The following PCSK1 variants were observed in gnomAD, a reference collection of about 807,000 sequenced individuals.
The protein encoded by PCSK1 is neuroendocrine convertase 1.
A neutral mutation model predicts 90.6 loss-of-function variants in PCSK1; 56 were observed. That is an observed-to-expected ratio of 0.62 (90% confidence interval 0.50 to 0.77). The LOEUF is 0.77. Among genes scored for constraint, PCSK1 ranks in the 30% least tolerant of loss-of-function variants. The pLI, the probability that PCSK1 is intolerant of heterozygous loss-of-function variation, is 0.00. For synonymous variants in PCSK1, 348 were observed against 342.4 expected (o/e 1.02, Z -0.18); for missense variants, 801 against 932.6 (o/e 0.86, Z 1.84).
intron 1 of PCSK1, among the ~76,000 whole-genome samples, chr5:96,430,272 T>C (rs1761451012): frequency 6.6e-6 from 1 of 152,240 alleles, no homozygotes; most frequent in Non-Finnish European, 1.5e-5. Flanking sequence ...TACTCAGTAC[T>C]AAATTTGAGG....
chr5:96,419,176 A>G (rs80298262), intron 5 of PCSK1, among the ~76,000 whole-genome samples: 2 of 151,816 alleles, frequency 1.3e-5, no homozygotes, highest in Non-Finnish European at 2.9e-5. Flanking sequence ...TAGTATTTAA[A>G]TATCTTGTGG....
At chr5:96,402,351 G>A (rs1009489472) in intron 9 of PCSK1, among the ~76,000 whole-genome samples, 14 of 152,198 alleles carry the variant, frequency 9.2e-5, no homozygotes, top group East Asian at 1.9e-4. Context: ...CATGAAGGCC[G>A]CAGGCCCCCT....
intron 1 of PCSK1, among the ~76,000 whole-genome samples, chr5:96,430,304 C>G (rs1761451829): frequency 6.6e-6 from 1 of 152,134 alleles, no homozygotes; most frequent in African/African-American, 2.4e-5. Flanking sequence ...TCTAGGTAAC[C>G]CTGCATTTTT....
intron 9 of PCSK1, among the ~76,000 whole-genome samples, chr5:96,401,945 G>C (rs575598376): frequency 2.0e-5 from 3 of 152,288 alleles, no homozygotes; most frequent in African/African-American, 7.2e-5. Flanking sequence ...CTAGTCATCA[G>C]TCAGATTCTC....
chr5:96,412,211 A>C, intron 7 of PCSK1, 107 bp downstream of exon 7: 1 of 1,006,606 alleles, frequency 9.9e-7, no homozygotes, highest in East Asian at 2.4e-5. Flanking sequence ...GGACTTTGTT[A>C]AGAAATCCAC....
chr5:96,417,941 T>A (rs947875269), intron 5 of PCSK1, among the ~76,000 whole-genome samples: 1 of 152,226 alleles, frequency 6.6e-6, no homozygotes, highest in Non-Finnish European at 1.5e-5. Context: ...TTTCCATGTA[T>A]ACAGGATGGG....
chr5:96,426,621 T>C (rs1409697441), intron 2 of PCSK1, among the ~76,000 whole-genome samples: 1 of 152,214 alleles, frequency 6.6e-6, no homozygotes. Flanking sequence ...ACTATTATAC[T>C]TGAAGCCCTG....
chr5:96,404,012 T>C (rs1760473327), intron 9 of PCSK1, among the ~76,000 whole-genome samples: 1 of 152,226 alleles, frequency 6.6e-6, no homozygotes, highest in Non-Finnish European at 1.5e-5. Context: ...CTGATTCTTT[T>C]GATCTCTCCT....
In PCSK1 at chr5:96,433,058, T is replaced by TATGAG; in HGVS notation, c.-17_-16insCTCAT. On this transcript the variant is annotated 5_prime_UTR_variant, in exon 1 of 14. Transcript: ENST00000311106. ...TTCGCTCCATAGCTCACACACTCGC[T>TATGAG]TGAACAAGAGTGGGAAGGGAAGAGG... 6.2e-7 allele frequency: 1 copy of TATGAG among 1,612,848 alleles called. No individual in the cohort carries two copies. The highest frequency in any genetic ancestry group is 8.5e-7 in the Non-Finnish European group (1 of 1,178,894).
intron 5 of PCSK1, 62 bp from the exon 6 acceptor site, chr5:96,416,183 G>A: frequency 8.7e-7 from 1 of 1,145,784 alleles, no homozygotes; most frequent in East Asian, 2.3e-5. Context: ...TTTTGCATAT[G>A]AATGAATTAA....
intron 11 of PCSK1, among the ~76,000 whole-genome samples, chr5:96,397,793 G>T (rs942510020): frequency 6.6e-6 from 1 of 150,776 alleles, no homozygotes; most frequent in African/African-American, 2.5e-5. Flanking sequence ...TTTACAAATT[G>T]AATTAGAGAG....
intron 9 of PCSK1, among the ~76,000 whole-genome samples, chr5:96,401,283 G>T (rs1480330805): frequency 2.0e-5 from 3 of 152,128 alleles, no homozygotes; most frequent in Admixed American, 2.0e-4. Flanking sequence ...CTTTGACAGG[G>T]GGTAGAGTGT....
At position 96,393,092 on chromosome 5, in the gene PCSK1, T is replaced by G. The variant is rs1760005787; in HGVS notation, c.2171A>C (p.Tyr724Ser). The G allele has an allele frequency of 6.2e-7, 1 of 1,613,980 alleles. No individual in the cohort carries two copies. The highest frequency in any genetic ancestry group is 1.3e-5 in the African/African-American group (1 of 74,940). ...KDSEDSLYND[Y>S]VDVFYNTKPY... ...TTTAGTGTTATAAAAAACATCAACA[T>G]AGTCATTATACAGACTGTCTTCAGA... Residue 724 changes from tyrosine (Y) to serine (S), a missense_variant, in exon 14 of 14, where the codon TAT becomes TCT. Tyr to Ser is a moderately radical substitution (Grantham distance 144). Transcript: ENST00000311106.
rs1760786386 is a variant in PCSK1 at position 96,412,447 on chromosome 5, G to A, written c.753C>T (p.Ala251=). The change falls in exon 7 of 14, where the codon GCC becomes GCT. Residue 251 remains alanine (A), a synonymous_variant. Transcript: ENST00000311106. Reference sequence around the variant, plus strand: ...GTCCAGGATTGAATCCAATTGAACTGGCCTCAATAGCATCCGTCACAATGC... The same window carrying A: ...GTCCAGGATTGAATCCAATTGAACTAGCCTCAATAGCATCCGTCACAATGC... The part of the protein sequence containing the change: ...LDGIVTDAIE[A]SSIGFNPGHV... 1.2e-6 allele frequency: 2 copies of A among 1,613,926 alleles called. No homozygotes were observed. Among genetic ancestry groups the A allele is most frequent in the East Asian group, 4.5e-5 (2 of 44,882 alleles).
At chr5:96,424,173 C>T (rs79900399) in intron 3 of PCSK1, among the ~76,000 whole-genome samples, 3,749 of 152,176 alleles carry the variant, frequency 0.025, 151 homozygotes, top group African/African-American at 0.086. Context: ...GCCAGGTACC[C>T]GGTGAAAGGG....
intron 12 of PCSK1, among the ~76,000 whole-genome samples, chr5:96,395,541 A>T (rs1760107409): frequency 6.6e-6 from 1 of 152,166 alleles, no homozygotes; most frequent in Non-Finnish European, 1.5e-5. Context: ...CCAACACAGG[A>T]ACAGAAAACC....
At chr5:96,425,027 A>G (rs1487682901) in intron 3 of PCSK1, among the ~76,000 whole-genome samples, 1 of 87,050 alleles carries the variant, frequency 1.1e-5, no homozygotes, top group Non-Finnish European at 2.7e-5. Context: ...AAAGAAAGAA[A>G]GAAAGAAAGA....
chr5:96,431,436 G>T (rs539176227), intron 1 of PCSK1, among the ~76,000 whole-genome samples: 1 of 152,156 alleles, frequency 6.6e-6, no homozygotes, highest in Non-Finnish European at 1.5e-5. Context: ...GAGACTTCAA[G>T]TACAACTTCT....
At chr5:96,424,279 G>A (rs1300523408) in intron 3 of PCSK1, among the ~76,000 whole-genome samples, 1 of 152,168 alleles carries the variant, frequency 6.6e-6, no homozygotes, top group East Asian at 1.9e-4. Context: ...AGGTTGGGGG[G>A]TGGGGTGACA....
Sources: allele counts gnomAD v4.1 joint callset (sites outside exome capture counted in the v4.1 genomes callset), GRCh38; gene constraint gnomAD v4.1.1; transcripts MANE v1.5; gene names NCBI Gene and HGNC (gene_info 2026-07-23, HGNC 2026-07-21).